The following INPP5D variants were observed in gnomAD, a reference collection of about 807,000 sequenced individuals.
INPP5D encodes the protein inositol polyphosphate-5-phosphatase D, also known as phosphatidylinositol 3,4,5-trisphosphate 5-phosphatase 1.
INPP5D carries 33 observed loss-of-function variants against 122.9 expected under a neutral mutation model. The observed-to-expected ratio is 0.27, with a 90% CI of 0.20 to 0.36. INPP5D has a LOEUF of 0.36. Ranked by LOEUF, INPP5D falls within the 10% of genes least tolerant of loss-of-function variation. The probability of loss-of-function intolerance (pLI) is 1.00; values close to 1 mark genes in which losing one functional copy is unlikely to be tolerated. For missense variants in INPP5D, 1,053 were observed against 1,412.7 expected, an observed-to-expected ratio of 0.75 and a Z score of 4.08; for synonymous variants, 584 against 576.2, an observed-to-expected ratio of 1.01 and a Z score of -0.19.
chr2:233,094,668 A>G (rs1167474374), intron 2 of INPP5D, among the ~76,000 whole-genome samples: 1 of 151,980 alleles, frequency 6.6e-6, no homozygotes, highest in Non-Finnish European at 1.5e-5. Flanking sequence ...GATCAGCATC[A>G]CCTGGAAGCT....
At position 233,185,909 on chromosome 2, in the gene INPP5D, G is replaced by A. The variant is rs1694901313; in HGVS notation, c.2342G>A (p.Gly781Asp). The A allele has an allele frequency of 3.7e-6, 6 of 1,605,996 alleles. No individual in the cohort carries two copies. Among genetic ancestry groups the A allele is most frequent in the South Asian group, 1.1e-5 (1 of 89,084 alleles). Residue 781 changes from glycine (G) to aspartate (D), a missense_variant, in exon 21 of 27, where the codon GGT becomes GAT. Around this residue, in one of 6 missense-constraint regions of INPP5D, gnomAD observed 258 missense variants for 439.1 expected, o/e 0.59. Transcript: ENST00000445964. The part of the protein sequence containing the change: ...GSEGELVVKF[G>D]ETLPKLKPII... ...GAGGGGGAGCTGGTGGTGAAGTTTG[G>A]TGAGACTCTTCCAAAGGTAATTCTA...
intron 2 of INPP5D, among the ~76,000 whole-genome samples, chr2:233,097,787 A>C (rs906942855): frequency 6.6e-6 from 1 of 151,894 alleles, no homozygotes; most frequent in Admixed American, 6.6e-5. Flanking sequence ...TTCCAATGCA[A>C]CTCATTTAGG....
In INPP5D at chr2:233,207,627, C is replaced by G. The variant is rs913755167; in HGVS notation, c.*919C>G. The G allele has an allele frequency of 6.6e-6, 1 of 152,390 alleles. No homozygotes were observed. The highest frequency in any genetic ancestry group is 1.5e-5 in the Non-Finnish European group (1 of 68,052). 9.4% of individuals were successfully genotyped at this position (152,390 alleles called of 1,614,324 possible). ...AGTCTTTGCTGTTGCTCCCGAAAGC[C>G]GTGCTCTCCAGCCTGGCTGCCAGGG... On this transcript the variant is annotated 3_prime_UTR_variant, in exon 27 of 27. Coordinates refer to ENST00000445964, the MANE Select transcript of INPP5D (RefSeq NM_001017915.3). This position sits in a 1 kb window ranked among gnomAD's most constrained non-coding sequence, Gnocchi z 4.6.
chr2:233,193,858 G>C lies in INPP5D; in HGVS notation c.2493G>C (p.Leu831=). 6.2e-7 allele frequency: 1 copy of C among 1,613,802 alleles called. No homozygotes were observed. Among genetic ancestry groups the C allele is most frequent in the South Asian group, 1.1e-5 (1 of 91,076 alleles). Residue 831 remains leucine, a synonymous_variant, in exon 23 of 27, where the codon CTG becomes CTC. Transcript: ENST00000445964. ...GGTTAGAGGCCACAGAAACGCAGCT[G>C]CCCATCTACACGCCTCTCACCCACC... The part of the protein sequence containing the change: ...ALRLEATETQ[L]PIYTPLTHHG...
chr2:233,096,721 CTA>C (rs568332821), intron 2 of INPP5D, among the ~76,000 whole-genome samples: 51 of 152,174 alleles, frequency 3.4e-4, no homozygotes, highest in Non-Finnish European at 7.1e-4. Flanking sequence ...TGTCAATTGC[CTA>C]TTTATATTCT....
chr2:233,133,272 CGAT>C (rs1379921241), intron 5 of INPP5D, among the ~76,000 whole-genome samples: 3 of 151,884 alleles, frequency 2.0e-5, no homozygotes, highest in African/African-American at 4.8e-5. Flanking sequence ...AGATAAAACA[CGAT>C]GATGTGAGGA....
At chr2:233,163,301 C>A (rs1204949390) in intron 11 of INPP5D, among the ~76,000 whole-genome samples, 2 of 152,160 alleles carry the variant, frequency 1.3e-5, no homozygotes, top group Non-Finnish European at 2.9e-5. Flanking sequence ...GCAAGGGAGA[C>A]TTTGTTGTCT....
chr2:233,110,903 C>T (rs549939810), intron 2 of INPP5D, among the ~76,000 whole-genome samples: 28 of 150,020 alleles, frequency 1.9e-4, no homozygotes, highest in Admixed American at 6.0e-4. Context: ...CCAGCCTGGG[C>T]GACACAGCGA....
intron 17 of INPP5D, among the ~76,000 whole-genome samples, chr2:233,175,138 A>G (rs1266220416): frequency 6.8e-6 from 1 of 146,282 alleles, no homozygotes; most frequent in Non-Finnish European, 1.5e-5. Context: ...GAATCACTGG[A>G]ACCTGGGAGG....
rs1463533292 is a variant in INPP5D, at chr2:233,177,787, C to A, written c.2071+441C>A. ...ACGGGGTTTCACCATGTTGGCCAGG[C>A]TGGTTGCAAACTCCTGACCTCAGGT... On this transcript the variant is annotated intron_variant, in intron 18 of 26. Coordinates refer to ENST00000445964, the MANE Select transcript of INPP5D (RefSeq NM_001017915.3). This position sits in a 1 kb window ranked among gnomAD's most constrained non-coding sequence, Gnocchi z 4.2. Among the ~76,000 whole-genome samples, 12 of 152,252 alleles carry A rather than the reference C, an allele frequency of 7.9e-5. No homozygotes were observed. The South Asian group carries it at 1.4e-3, about 18-fold the overall frequency.
chr2:233,096,627 G>A (rs993548820), intron 2 of INPP5D, among the ~76,000 whole-genome samples: 12 of 152,186 alleles, frequency 7.9e-5, no homozygotes, highest in Non-Finnish European at 2.9e-5. Context: ...ACTCCAGCCT[G>A]GGTGACAGAG....
intron 6 of INPP5D, among the ~76,000 whole-genome samples, chr2:233,141,854 T>A (rs1693638188): frequency 6.6e-6 from 1 of 152,196 alleles, no homozygotes; most frequent in Non-Finnish European, 1.5e-5. Context: ...CAAGGGGGAT[T>A]TTGAGTTTGC....
intron 2 of INPP5D, among the ~76,000 whole-genome samples, chr2:233,108,262 C>G (rs1445664423): frequency 1.3e-5 from 2 of 152,150 alleles, no homozygotes; most frequent in African/African-American, 4.8e-5. Flanking sequence ...GCTAGAGAGT[C>G]CGGGGATCCC....
chr2:233,183,279 C>T lies in INPP5D; in HGVS notation c.2161+780C>T, dbSNP rs1216480690. Among the ~76,000 whole-genome samples the T allele has an allele frequency of 6.6e-6, 1 of 152,138 alleles. No individual in the cohort carries two copies. ...ACTGGGCTCCTTTAGGAAGACCAAG[C>T]GTAGGGGACCCAAATACAGGGAAAG... On this transcript the variant is annotated intron_variant, in intron 19 of 26. Transcript: ENST00000445964. This position sits in a 1 kb window ranked among gnomAD's most constrained non-coding sequence, Gnocchi z 4.6.
At chr2:233,084,921 T>C (rs1412575044) in intron 2 of INPP5D, among the ~76,000 whole-genome samples, 3 of 152,246 alleles carry the variant, frequency 2.0e-5, no homozygotes, top group African/African-American at 7.2e-5. Context: ...GCATTTTGAA[T>C]TGGTTTTTCT....
chr2:233,079,638 G>A (rs556922774), intron 2 of INPP5D, among the ~76,000 whole-genome samples: 2 of 152,192 alleles, frequency 1.3e-5, no homozygotes, highest in African/African-American at 4.8e-5. Context: ...GTCCATAGGT[G>A]TGAAGAGGAA....
At chr2:233,063,461 G>C (rs1412628291) in intron 1 of INPP5D, among the ~76,000 whole-genome samples, 3 of 152,218 alleles carry the variant, frequency 2.0e-5, no homozygotes, top group African/African-American at 7.2e-5. Flanking sequence ...ACCAGGGAGG[G>C]GCCTTTGTGC....
intron 1 of INPP5D, among the ~76,000 whole-genome samples, chr2:233,064,861 C>T (rs533535634): frequency 8.5e-5 from 13 of 152,174 alleles, no homozygotes; most frequent in Non-Finnish European, 1.6e-4. Context: ...GTCTCCCTTT[C>T]GAAGCTTCAG....
At chr2:233,092,547 A>G (rs1467262354) in intron 2 of INPP5D, among the ~76,000 whole-genome samples, 1 of 152,184 alleles carries the variant, frequency 6.6e-6, no homozygotes, top group Non-Finnish European at 1.5e-5. Flanking sequence ...GGTGTGAGGT[A>G]CCAAAAGATG....
Sources: allele counts gnomAD v4.1 joint callset (sites outside exome capture counted in the v4.1 genomes callset), GRCh38; gene constraint gnomAD v4.1.1; regional missense constraint gnomAD v4.1.1; non-coding constraint Gnocchi (gnomAD v3.1); transcripts MANE v1.5; gene names NCBI Gene and HGNC (gene_info 2026-07-23, HGNC 2026-07-21).